Variants in ZNF616 observed in about 807,000 individuals in gnomAD.
ZNF616 encodes zinc finger protein 616.
ZNF616 carries 5 observed loss-of-function variants against 7.6 expected under a neutral mutation model. The ratio of observed to expected loss-of-function variants is 0.66; its 90% CI spans 0.34 to 1.38. ZNF616 has a LOEUF of 1.38. ZNF616 is among the 40% of genes most tolerant of loss of function. The probability of loss-of-function intolerance (pLI) is 0.04; values close to 1 mark genes in which losing one functional copy is unlikely to be tolerated. For synonymous variants in ZNF616, 319 were observed against 317.2 expected, an observed-to-expected ratio of 1.01 and a Z score of -0.06; for missense variants, 913 against 948.3, an observed-to-expected ratio of 0.96 and a Z score of 0.49.
intron 2 of ZNF616, among the ~76,000 whole-genome samples, chr19:52,128,539 T>C (rs1393910724): frequency 6.6e-6 from 1 of 152,058 alleles, no homozygotes; most frequent in African/African-American, 2.4e-5. Context: ...GGCCGGAAGT[T>C]TGAGACCAGC....
intron 2 of ZNF616, among the ~76,000 whole-genome samples, chr19:52,128,372 C>A (rs1600126299): frequency 6.6e-6 from 1 of 152,018 alleles, no homozygotes; most frequent in Non-Finnish European, 1.5e-5. Flanking sequence ...ATTCTAGGAG[C>A]CATTTCATAT....
At chr19:52,128,194 A>G (rs906313990) in intron 2 of ZNF616, among the ~76,000 whole-genome samples, 3 of 151,974 alleles carry the variant, frequency 2.0e-5, no homozygotes, top group African/African-American at 7.3e-5. Flanking sequence ...AATAAAAAAA[A>G]AAAAAAAAAA....
At chr19:52,125,495 T>G (rs2088898084) in intron 2 of ZNF616, among the ~76,000 whole-genome samples, 1 of 152,246 alleles carries the variant, frequency 6.6e-6, no homozygotes, top group African/African-American at 2.4e-5. Flanking sequence ...TAATCTTCTT[T>G]GACTCTATGT....
intron 2 of ZNF616, among the ~76,000 whole-genome samples, chr19:52,127,216 G>A (rs550581697): frequency 5.9e-5 from 9 of 152,156 alleles, no homozygotes; most frequent in African/African-American, 9.6e-5. Context: ...CATCATGTCC[G>A]GCTAATATTT....
chr19:52,133,509 C>A (rs1443891469), intron 1 of ZNF616, among the ~76,000 whole-genome samples: 1 of 152,110 alleles, frequency 6.6e-6, no homozygotes, highest in African/African-American at 2.4e-5. Context: ...TACATTATTT[C>A]ATCACCTGGG....
chr19:52,135,309 G>A (rs2088998149), intron 1 of ZNF616, among the ~76,000 whole-genome samples: 1 of 152,024 alleles, frequency 6.6e-6, no homozygotes, highest in African/African-American at 2.4e-5. Flanking sequence ...AATGACCCAA[G>A]ACACTCGATT....
At chr19:52,118,875 G>A (rs1320984927) in intron 3 of ZNF616, among the ~76,000 whole-genome samples, 3 of 152,060 alleles carry the variant, frequency 2.0e-5, no homozygotes, top group South Asian at 2.1e-4. Flanking sequence ...GTATGCCCAC[G>A]GGATTCATGT....
In ZNF616 at chr19:52,114,981, C is replaced by T. The variant is rs777378939; in HGVS notation, c.2183G>A (p.Arg728Gln). 22 of 1,613,996 alleles carry T rather than the reference C, an allele frequency of 1.4e-5. No homozygotes were observed. The highest frequency in any genetic ancestry group is 5.0e-5 in the Admixed American group (3 of 59,998). ...TTGGTGTTTGCTGAGGGAAAACAAC[C>T]GCCCAAAGGCTTTGCCACATTCAAT... is the stretch of plus-strand genomic sequence containing the variant. ...KCIECGKAFG[R>Q]LFSLSKHQRI... Residue 728 changes from arginine to glutamine, a missense_variant, in exon 4 of 4, where the codon CGG becomes CAG. Transcript: ENST00000600228.
chr19:52,116,704 C>A lies in ZNF616; in HGVS notation c.460G>T (p.Val154Phe). 6 of 1,614,120 alleles carry A rather than the reference C, an allele frequency of 3.7e-6. No individual in the cohort carries two copies. Among genetic ancestry groups the A allele is most frequent in the Non-Finnish European group, 5.1e-6 (6 of 1,180,026 alleles). The change falls in exon 4 of 4, where the codon GTT becomes TTT. Residue 154 changes from valine (V) to phenylalanine (F), a missense_variant. By Grantham distance (50) the Val-to-Phe change is conservative. Coordinates refer to ENST00000600228, the MANE Select transcript of ZNF616 (RefSeq NM_178523.5). ...FESRLAELQK[V>F]QTEGRLYECN... ...TCATAAAGTCTCCCTTCAGTTTGAA[C>A]TTTCTGCAGTTCAGCCAGACGTGAC... is the stretch of plus-strand genomic sequence containing the variant.
Position 52,114,721 on chromosome 19 carries a change from G to A in ZNF616, c.*97C>T. The A allele has an allele frequency of 7.1e-7, 1 of 1,412,874 alleles. No individual in the cohort carries two copies. The highest frequency in any genetic ancestry group is 1.4e-5 in the South Asian group (1 of 69,542). The allele number at this position is 1,412,874 out of a possible 1,614,324, so 87.5% of individuals were successfully genotyped here. A position where few individuals can be genotyped will look rare whatever the true frequency, so the allele number is the denominator to read the frequency against. ...AATGGGCCCCACCTCCAATACTGGA[G>A]ATTACAATTCCACAGGGATTTCAAG... On this transcript the variant is annotated 3_prime_UTR_variant, in exon 4 of 4. Coordinates refer to ENST00000600228, the MANE Select transcript of ZNF616 (RefSeq NM_178523.5).
intron 2 of ZNF616, 59 bp downstream of exon 2, chr19:52,130,442 G>A (rs2088947918): frequency 6.8e-7 from 1 of 1,467,652 alleles, no homozygotes. Flanking sequence ...CTTCACAAAG[G>A]AAGGAGACAG....
chr19:52,132,402 G>T (rs2088967778), intron 1 of ZNF616, among the ~76,000 whole-genome samples: 1 of 152,068 alleles, frequency 6.6e-6, no homozygotes, highest in South Asian at 2.1e-4. Flanking sequence ...AGACGTGTAG[G>T]TGAGTAGGTG....
At chr19:52,135,698 C>T (rs2089001517) in intron 1 of ZNF616, among the ~76,000 whole-genome samples, 2 of 152,054 alleles carry the variant, frequency 1.3e-5, no homozygotes, top group East Asian at 3.9e-4. Flanking sequence ...TTGTGTGGCT[C>T]CTTTCAATAA....
chr19:52,135,581 T>C (rs4802895), intron 1 of ZNF616, among the ~76,000 whole-genome samples: 69,956 of 151,990 alleles, frequency 0.46, 16,778 homozygotes, highest in South Asian at 0.58. Flanking sequence ...CTGGGTTCCA[T>C]GCCCTCAGGA....
At chr19:52,123,302 G>A (rs1176227494) in intron 3 of ZNF616, among the ~76,000 whole-genome samples, 2 of 152,116 alleles carry the variant, frequency 1.3e-5, no homozygotes, top group Non-Finnish European at 2.9e-5. Flanking sequence ...GCCGGGCGTG[G>A]TGGCTCACAC....
intron 1 of ZNF616, among the ~76,000 whole-genome samples, chr19:52,131,043 T>C (rs980719862): frequency 1.3e-5 from 2 of 151,596 alleles, no homozygotes; most frequent in East Asian, 2.0e-4. Context: ...TCGAGGCGGG[T>C]GGATACCTGA....
intron 1 of ZNF616, chr19:52,138,356 T>G (rs1277453286): frequency 6.6e-6 from 1 of 151,920 alleles, no homozygotes; most frequent in Admixed American, 6.6e-5. Context: ...TAGAAAAGAG[T>G]GGTAATTTTC....
chr19:52,132,004 CAG>C (rs1421555450), intron 1 of ZNF616, among the ~76,000 whole-genome samples: 1 of 152,096 alleles, frequency 6.6e-6, no homozygotes, highest in African/African-American at 2.4e-5. Context: ...GAAATGAGGT[CAG>C]AGAGGTCCCG....
intron 2 of ZNF616, among the ~76,000 whole-genome samples, chr19:52,128,197 A>C (rs1600126214): frequency 2.6e-5 from 4 of 152,134 alleles, no homozygotes; most frequent in Admixed American, 6.5e-5. Context: ...AAAAAAAAAA[A>C]AAAAAAACTT....
Sources: allele counts gnomAD v4.1 joint callset (sites outside exome capture counted in the v4.1 genomes callset), GRCh38; gene constraint gnomAD v4.1.1; transcripts MANE v1.5; gene names NCBI Gene and HGNC (gene_info 2026-07-23, HGNC 2026-07-21).